The following VAX1 variants were observed in gnomAD, a reference collection of about 807,000 sequenced individuals.
The protein encoded by VAX1 is ventral anterior homeobox 1.
A neutral mutation model predicts 17.6 loss-of-function variants in VAX1; 6 were observed. That is an observed-to-expected ratio of 0.34 (90% CI 0.19 to 0.67). The LOEUF (loss-of-function observed/expected upper bound fraction) is 0.67. Among genes scored for constraint, VAX1 ranks in the 30% least tolerant of loss-of-function variants. VAX1 has a pLI of 0.69. For missense variants in VAX1, 408 were observed against 463.7 expected, an observed-to-expected ratio of 0.88 and a Z score of 1.10; for synonymous variants, 256 against 227.4, an observed-to-expected ratio of 1.13 and a Z score of -1.13.
chr10:117,132,140 T>C, downstream of VAX1: 1 of 1,517,506 alleles, frequency 6.6e-7, no homozygotes, highest in Non-Finnish European at 8.9e-7. The surrounding 1 kb of genome is among the most constrained non-coding windows in gnomAD (Gnocchi z 4.9). Context: ...CGTCTCTGCC[T>C]CTCCGGAAAC....
chr10:117,136,846 G>A lies in VAX1; in HGVS notation c.242-187C>T, dbSNP rs1351272139. Reference sequence around the variant, plus strand: ...AGGGCAAGGGGCCTAACTCCATACCGCTGACCGAAGGAGGGACCACACTTT... The same window carrying A: ...AGGGCAAGGGGCCTAACTCCATACCACTGACCGAAGGAGGGACCACACTTT... On this transcript the variant is annotated intron_variant, in intron 1 of 2. Transcript: ENST00000369206. This position sits in a 1 kb window ranked among gnomAD's most constrained non-coding sequence, Gnocchi z 5.0. Among the ~76,000 whole-genome samples, 4 of 152,180 alleles carry A rather than the reference G, an allele frequency of 2.6e-5. No homozygotes were observed. The highest frequency in any genetic ancestry group is 5.9e-5 in the Non-Finnish European group (4 of 68,024).
In VAX1 at chr10:117,133,617, T is replaced by C. The variant is rs1854121033; in HGVS notation, c.*391A>G. The C allele has an allele frequency of 3.0e-6, 3 of 992,052 alleles. No individual in the cohort carries two copies. Among genetic ancestry groups the C allele is most frequent in the Middle Eastern group, 5.1e-4 (1 of 1,966 alleles). 61.5% of individuals were successfully genotyped at this position (992,052 alleles called of 1,614,324 possible). A position where few individuals can be genotyped will look rare whatever the true frequency, so the allele number is the denominator to read the frequency against. ...TTCCTCTTTCAAATATTCCTAGGAA[T>C]AGTCGGCAGCGGCAGCAGCCGCAGC... On this transcript the variant is annotated 3_prime_UTR_variant, in exon 3 of 3. Transcript: ENST00000369206.
In VAX1 at chr10:117,134,056, G is replaced by A. The variant is rs1286856217; in HGVS notation, c.957C>T (p.Tyr319=). The A allele has an allele frequency of 1.3e-6, 2 of 1,531,150 alleles. No homozygotes were observed. The highest frequency in any genetic ancestry group is 1.2e-5 in the South Asian group (1 of 81,236). 94.8% of individuals were successfully genotyped at this position (1,531,150 alleles called of 1,614,324 possible). Residue 319 remains tyrosine (Y), a synonymous_variant, in exon 3 of 3, where the codon TAC becomes TAT. Coordinates refer to ENST00000369206, the MANE Select transcript of VAX1 (RefSeq NM_001112704.2). This position sits in a 1 kb window ranked among gnomAD's most constrained non-coding sequence, Gnocchi z 6.2. ...RYLSSSAFEP[Y]SRTNNKEGAE... Reference sequence around the variant, plus strand: ...CCCCTTCTTTATTGTTGGTCCGGGAGTAAGGCTCGAAGGCCGAGGAGCTCA... The same window carrying A: ...CCCCTTCTTTATTGTTGGTCCGGGAATAAGGCTCGAAGGCCGAGGAGCTCA...
At chr10:117,132,371 A>C, downstream of VAX1, 2 of 1,610,956 alleles carry the variant, frequency 1.2e-6, no homozygotes, top group Non-Finnish European at 1.7e-6. The surrounding 1 kb of genome is among the most constrained non-coding windows in gnomAD (Gnocchi z 4.9). Flanking sequence ...CTCACCACAT[A>C]AATACAAAAC....
chr10:117,132,047 T>C, downstream of VAX1: 2 of 651,192 alleles, frequency 3.1e-6, no homozygotes, highest in Non-Finnish European at 5.2e-6. The surrounding 1 kb of genome is among the most constrained non-coding windows in gnomAD (Gnocchi z 4.9). Flanking sequence ...AGGAGGAGGG[T>C]CTGAGGGGCC....
rs1854220981 is a variant in VAX1, at chr10:117,138,102, A to AG, written c.-47_-46insC. 3.8e-6 allele frequency: 1 copy of AG among 260,086 alleles called. No homozygotes were observed. Among genetic ancestry groups the AG allele is most frequent in the Non-Finnish European group, 6.7e-6 (1 of 149,874 alleles). The allele number at this position is 260,086 out of a possible 1,614,324, so 16.1% of individuals were successfully genotyped here. A position where few individuals can be genotyped will look rare whatever the true frequency, so the allele number is the denominator to read the frequency against. ...ACAGAAAGGAAAAAAAAAGCAAAAA[A>AG]AAAAAAAAGGGGGGGGGGCGGAGAA... On this transcript the variant is annotated 5_prime_UTR_variant, in exon 1 of 3. Coordinates refer to ENST00000369206, the MANE Select transcript of VAX1 (RefSeq NM_001112704.2).
downstream of VAX1, chr10:117,129,791 G>GAGTGTA (rs1260397401): frequency 1.3e-5 from 2 of 152,042 alleles, no homozygotes. Flanking sequence ...TAAGACCAAA[G>GAGTGTA]AGTGTAAGGG....
downstream of VAX1, chr10:117,130,761 A>G (rs893691789): frequency 6.6e-6 from 1 of 152,304 alleles, no homozygotes; most frequent in African/African-American, 2.4e-5. Flanking sequence ...GAGGCTCTTT[A>G]AGAACAATTG....
At chr10:117,131,928 A>G (rs1854089772), downstream of VAX1, 1 of 394,642 alleles carries the variant, frequency 2.5e-6, no homozygotes, top group Admixed American at 4.2e-5. Flanking sequence ...TGCTGCCGGC[A>G]TGAAGATGCA....
rs1854128636 is a variant in VAX1 at position 117,133,989 on chromosome 10, T to C, written c.*19A>G. ...CCACAATAGATACTATAAATATAAA[T>C]ACAGGGAAACACTTAAAATCAGTCC... On this transcript the variant is annotated 3_prime_UTR_variant, in exon 3 of 3. Coordinates refer to ENST00000369206, the MANE Select transcript of VAX1 (RefSeq NM_001112704.2). 1 of 1,501,804 alleles carries C rather than the reference T, an allele frequency of 6.7e-7. No homozygotes were observed. Among genetic ancestry groups the C allele is most frequent in the Non-Finnish European group, 8.9e-7 (1 of 1,127,962 alleles). 93.0% of individuals were successfully genotyped at this position (1,501,804 alleles called of 1,614,324 possible).
In VAX1 at chr10:117,137,992, G is replaced by C. The variant is rs757464020; in HGVS notation, c.65C>G (p.Ser22Trp). Reference protein sequence around the residue: ...CHSDAEAARVSKNAHKESRES... With the variant: ...CHSDAEAARVWKNAHKESRES... ...CCGACTCTCCTTGTGCGCGTTCTTC[G>C]AGACCCGGGCAGCCTCGGCGTCCGA... Residue 22 changes from serine (S) to tryptophan (W), a missense_variant, in exon 1 of 3, where the codon TCG becomes TGG. Ser to Trp is a radical substitution (Grantham distance 177, BLOSUM62 -3). Transcript: ENST00000369206. The surrounding 1 kb of genome is among the most constrained non-coding windows in gnomAD (Gnocchi z 7.4). The C allele has an allele frequency of 3.1e-6, 5 of 1,613,364 alleles. No individual in the cohort carries two copies. The highest frequency in any genetic ancestry group is 1.1e-5 in the South Asian group (1 of 91,082).
downstream of VAX1, chr10:117,132,274 TCTTC>T (rs1854097059): frequency 1.2e-6 from 2 of 1,613,892 alleles, no homozygotes; most frequent in Admixed American, 1.7e-5. This position sits in a 1 kb window ranked among gnomAD's most constrained non-coding sequence, Gnocchi z 4.9. Flanking sequence ...GCTGGCTCTT[TCTTC>T]CTTTTCTTCT....
Position 117,138,250 on chromosome 10 carries a change from G to A in VAX1, c.-194C>T, listed in dbSNP as rs900920681. The A allele has an allele frequency of 1.1e-4, 79 of 689,830 alleles. No homozygotes were observed. The highest frequency in any genetic ancestry group is 1.1e-3 in the African/African-American group (60 of 55,288). 42.7% of individuals were successfully genotyped at this position (689,830 alleles called of 1,614,324 possible). A position where few individuals can be genotyped will look rare whatever the true frequency, so the allele number is the denominator to read the frequency against. On this transcript the variant is annotated 5_prime_UTR_variant, in exon 1 of 3. Coordinates refer to ENST00000369206, the MANE Select transcript of VAX1 (RefSeq NM_001112704.2). ...GGGGAGGCTTCGGCGGCCGCGCGCG[G>A]GTCAGCGGCGACGGGAGAGTGGCGC... is the stretch of plus-strand genomic sequence containing the variant.
In VAX1 at chr10:117,136,508, G is replaced by A; in HGVS notation, c.393C>T (p.Thr131=). The A allele has an allele frequency of 6.2e-7, 1 of 1,613,840 alleles. No homozygotes were observed. Among genetic ancestry groups the A allele is most frequent in the Non-Finnish European group, 8.5e-7 (1 of 1,180,020 alleles). The change falls in exon 2 of 3, where the codon ACC becomes ACT. Residue 131 remains threonine, a synonymous_variant. Transcript: ENST00000369206. The surrounding 1 kb of genome is among the most constrained non-coding windows in gnomAD (Gnocchi z 5.0). ...AGAGGTTAAGCTGCCGGGCGAGCTC[G>A]GTCCTCTCGCGGCCCACCACGTACT... The part of the protein sequence containing the change: ...RCQYVVGRER[T]ELARQLNLSE...
Position 117,136,330 on chromosome 10 carries a change from C to T in VAX1, c.429+142G>A. On this transcript the variant is annotated intron_variant, in intron 2 of 2. Transcript: ENST00000369206. This position sits in a 1 kb window ranked among gnomAD's most constrained non-coding sequence, Gnocchi z 5.0. Reference sequence around the variant, plus strand: ...TATCTAGGGGAAGGAATCCTTAGGCCTGTCTTACCCATCCTTCCCATCTCC... The same window carrying T: ...TATCTAGGGGAAGGAATCCTTAGGCTTGTCTTACCCATCCTTCCCATCTCC... The T allele has an allele frequency of 2.1e-6, 2 of 966,400 alleles. No individual in the cohort carries two copies. Among genetic ancestry groups the T allele is most frequent in the Non-Finnish European group, 3.0e-6 (2 of 667,478 alleles). The allele number at this position is 966,400 out of a possible 1,614,324, so 59.9% of individuals were successfully genotyped here.
At chr10:117,130,585 C>T (rs887317501), downstream of VAX1, 3 of 152,238 alleles carry the variant, frequency 2.0e-5, no homozygotes, top group Non-Finnish European at 2.9e-5. Context: ...CCTGCCTCCT[C>T]CTCCAAGGCC....
Position 117,134,404 on chromosome 10 carries a change from G to T in VAX1, c.609C>A (p.Gly203=). ...GCCCGCGCAGCGCTGAGCCGAGAGC[G>T]CCCGTGGCGCAAGGCGGCAGCAGCG... is the stretch of plus-strand genomic sequence containing the variant. ...LPALLPPCAT[G]ALGSALRGPS... Residue 203 remains glycine, a synonymous_variant, in exon 3 of 3, where the codon GGC becomes GGA. Coordinates refer to ENST00000369206, the MANE Select transcript of VAX1 (RefSeq NM_001112704.2). This position sits in a 1 kb window ranked among gnomAD's most constrained non-coding sequence, Gnocchi z 6.2. 1 of 1,476,508 alleles carries T rather than the reference G, an allele frequency of 6.8e-7. No homozygotes were observed. The highest frequency in any genetic ancestry group is 1.3e-5 in the South Asian group (1 of 77,836). The allele number at this position is 1,476,508 out of a possible 1,614,324, so 91.5% of individuals were successfully genotyped here.
In VAX1 at chr10:117,138,225, G is replaced by T; in HGVS notation, c.-169C>A. 1 of 854,668 alleles carries T rather than the reference G, an allele frequency of 1.2e-6. No individual in the cohort carries two copies. The highest frequency in any genetic ancestry group is 1.8e-6 in the Non-Finnish European group (1 of 564,450). The allele number at this position is 854,668 out of a possible 1,614,324, so 52.9% of individuals were successfully genotyped here. On this transcript the variant is annotated 5_prime_UTR_variant, in exon 1 of 3. Transcript: ENST00000369206. The stretch of plus-strand genomic sequence containing the variant: ...AAGGGGCAAGAATGAATGTCCCCGC[G>T]GGGAGGCTTCGGCGGCCGCGCGCGG...
In VAX1 at chr10:117,133,970, T is replaced by C. The variant is rs1028715436; in HGVS notation, c.*38A>G. 2 of 1,485,062 alleles carry C rather than the reference T, an allele frequency of 1.3e-6. No homozygotes were observed. The highest frequency in any genetic ancestry group is 1.5e-5 in the African/African-American group (1 of 67,756). 92.0% of individuals were successfully genotyped at this position (1,485,062 alleles called of 1,614,324 possible). On this transcript the variant is annotated 3_prime_UTR_variant, in exon 3 of 3. Coordinates refer to ENST00000369206, the MANE Select transcript of VAX1 (RefSeq NM_001112704.2). Reference sequence around the variant, plus strand: ...CGTGAGTCCATAAATATCACCACAATAGATACTATAAATATAAATACAGGG... The same window carrying C: ...CGTGAGTCCATAAATATCACCACAACAGATACTATAAATATAAATACAGGG...
Sources: allele counts gnomAD v4.1 joint callset (sites outside exome capture counted in the v4.1 genomes callset), GRCh38; gene constraint gnomAD v4.1.1; non-coding constraint Gnocchi (gnomAD v3.1); transcripts MANE v1.5; gene names NCBI Gene and HGNC (gene_info 2026-07-23, HGNC 2026-07-21).